Variants in ICOS observed in about 807,000 individuals in gnomAD.
The protein encoded by ICOS is inducible T-cell costimulator.
ICOS carries 15 observed loss-of-function variants against 24.6 expected under a neutral mutation model. The observed-to-expected ratio is 0.61, with a 90% CI of 0.41 to 0.94. ICOS has a LOEUF of 0.94. ICOS is among the 40% of genes least tolerant of loss of function. The probability of loss-of-function intolerance (pLI) is 0.00; values close to 1 mark genes in which losing one functional copy is unlikely to be tolerated. For missense variants in ICOS, 200 were observed against 233.0 expected, an observed-to-expected ratio of 0.86 and a Z score of 0.92; for synonymous variants, 89 against 77.5, an observed-to-expected ratio of 1.15 and a Z score of -0.78.
chr2:203,941,087 C>T (rs926950119), intron 1 of ICOS, among the ~76,000 whole-genome samples: 11 of 152,310 alleles, frequency 7.2e-5, no homozygotes, highest in South Asian at 2.1e-4. Context: ...TGAGCCACCG[C>T]GCCCCGCTGT....
rs1689889758 is a variant in ICOS at position 203,947,300 on chromosome 2, A to G, written c.59-8336A>G. ...GTCTATTGATATCAACAGTAATATTATAAAAATTATTATTATTATTATTTT... is the reference window on the plus strand; with the variant it reads ...GTCTATTGATATCAACAGTAATATTGTAAAAATTATTATTATTATTATTTT... On this transcript the variant is annotated intron_variant, in intron 1 of 4. Coordinates refer to ENST00000316386, the MANE Select transcript of ICOS (RefSeq NM_012092.4). Among the ~76,000 whole-genome samples the G allele has an allele frequency of 2.0e-5, 3 of 152,094 alleles. 1 individual carries two copies. Among genetic ancestry groups the G allele is most frequent in the Admixed American group, 2.0e-4 (3 of 15,268 alleles).
At chr2:203,956,616 T>C in intron 2 of ICOS, 43 bp from the exon 3 acceptor site, 3 of 1,336,878 alleles carry the variant, frequency 2.2e-6, no homozygotes, top group Non-Finnish European at 1.1e-6. Context: ...GAACTTGTGG[T>C]TCAGCAGAAT....
chr2:203,936,781 T>C lies in ICOS; in HGVS notation c.-34T>C. ...TGAATTCACTGTCAGCTTTGAACAC[T>C]GAACGCGAGGACTGTTAACTGTTTC... On this transcript the variant is annotated 5_prime_UTR_variant, in exon 1 of 5. Transcript: ENST00000316386. The C allele has an allele frequency of 6.3e-7, 1 of 1,582,616 alleles. No individual in the cohort carries two copies. Among genetic ancestry groups the C allele is most frequent in the Admixed American group, 1.7e-5 (1 of 59,992 alleles).
intron 1 of ICOS, among the ~76,000 whole-genome samples, chr2:203,952,093 A>G (rs1006057421): frequency 6.6e-6 from 1 of 152,240 alleles, no homozygotes; most frequent in Non-Finnish European, 1.5e-5. Flanking sequence ...ATAATGCTAA[A>G]GCATACTATC....
At chr2:203,937,425 C>T (rs1005395630) in intron 1 of ICOS, among the ~76,000 whole-genome samples, 21 of 152,118 alleles carry the variant, frequency 1.4e-4, no homozygotes, top group Non-Finnish European at 2.2e-4. Context: ...TGTAAAAATA[C>T]TTCCTAGCCC....
intron 1 of ICOS, among the ~76,000 whole-genome samples, chr2:203,938,826 T>G (rs1187438932): frequency 6.6e-6 from 1 of 152,230 alleles, no homozygotes; most frequent in East Asian, 1.9e-4. Context: ...ATGTTCACTC[T>G]CATTATAAAG....
In ICOS at chr2:203,956,736, T is replaced by G. The variant is rs752320302; in HGVS notation, c.472T>G (p.Cys158Gly). 3 of 1,612,884 alleles carry G rather than the reference T, an allele frequency of 1.9e-6. No individual in the cohort carries two copies. Among genetic ancestry groups the G allele is most frequent in the South Asian group, 1.1e-5 (1 of 91,066 alleles). Reference protein sequence around the residue: ...AAFVVVCILGCILICWLTKKK... With the variant: ...AAFVVVCILGGILICWLTKKK... ...CTTTGTTGTAGTCTGCATTTTGGGA[T>G]GCATACTTATTTGTTGGCTTACAAA... Residue 158 changes from cysteine to glycine, a missense_variant, in exon 3 of 5, where the codon TGC (cysteine) becomes GGC (glycine). Cys to Gly is a radical substitution (Grantham distance 159). Coordinates refer to ENST00000316386, the MANE Select transcript of ICOS (RefSeq NM_012092.4).
chr2:203,947,483 AT>A (rs1377212231), intron 1 of ICOS, among the ~76,000 whole-genome samples: 1 of 151,888 alleles, frequency 6.6e-6, no homozygotes, highest in African/African-American at 2.4e-5. Flanking sequence ...TAATTTTTAT[AT>A]TATTAGTAGA....
At chr2:203,940,415 G>C (rs549199442) in intron 1 of ICOS, among the ~76,000 whole-genome samples, 1 of 152,242 alleles carries the variant, frequency 6.6e-6, no homozygotes, top group East Asian at 1.9e-4. Flanking sequence ...CTCCTGTCTT[G>C]TGATCTCTGT....
rs1690104495 is a variant in ICOS, at chr2:203,957,879, C to G, written c.582C>G (p.Leu194=). The G allele has an allele frequency of 1.9e-6, 3 of 1,598,168 alleles. No individual in the cohort carries two copies. The highest frequency in any genetic ancestry group is 1.7e-5 in the Admixed American group (1 of 59,928). The change falls in exon 4 of 5, where the codon CTC becomes CTG. Residue 194 remains leucine (L), a synonymous_variant. Coordinates refer to ENST00000316386, the MANE Select transcript of ICOS (RefSeq NM_012092.4). The part of the protein sequence containing the change: ...RAVNTAKKSR[L]TDVTL ...TGAACACAGCCAAAAAATCTAGACT[C>G]ACAGGTATGACTCCATTTGGGGGTT... is the stretch of plus-strand genomic sequence containing the variant.
rs569897165 is a variant in ICOS, at chr2:203,948,435, A to G, written c.59-7201A>G. Among the ~76,000 whole-genome samples the G allele has an allele frequency of 3.9e-5, 6 of 152,342 alleles. 1 individual carries two copies. The highest frequency in any genetic ancestry group is 1.3e-4 in the Admixed American group (2 of 15,308). On this transcript the variant is annotated intron_variant, in intron 1 of 4. Transcript: ENST00000316386. The stretch of plus-strand genomic sequence containing the variant: ...GAAGCCCTTTTGGCTCTTATATTAT[A>G]AATCCTGTGCTTCATCTCCTCAGAT...
intron 1 of ICOS, among the ~76,000 whole-genome samples, chr2:203,948,355 AT>A (rs1689909029): frequency 6.6e-6 from 1 of 152,144 alleles, no homozygotes; most frequent in Non-Finnish European, 1.5e-5. Context: ...CTCTAGTTTA[AT>A]TTGATAAATG....
intron 1 of ICOS, among the ~76,000 whole-genome samples, chr2:203,939,205 A>C (rs781551199): frequency 6.6e-6 from 1 of 152,160 alleles, no homozygotes; most frequent in Non-Finnish European, 1.5e-5. Context: ...CAACATCTAC[A>C]TTCTTTCTAA....
At chr2:203,956,796 C>A in intron 3 of ICOS, 31 bp downstream of exon 3, 2 of 1,314,694 alleles carry the variant, frequency 1.5e-6, no homozygotes, top group Non-Finnish European at 2.2e-6. Context: ...CTTGTATCTG[C>A]TTTACAGATG....
chr2:203,950,759 A>G (rs1362071243), intron 1 of ICOS, among the ~76,000 whole-genome samples: 2 of 152,164 alleles, frequency 1.3e-5, no homozygotes, highest in African/African-American at 4.8e-5. Flanking sequence ...AGATAAAAAA[A>G]TGAGTAATTA....
chr2:203,952,983 T>C (rs1158910723), intron 1 of ICOS, among the ~76,000 whole-genome samples: 1 of 152,190 alleles, frequency 6.6e-6, no homozygotes, highest in Non-Finnish European at 1.5e-5. Context: ...CTTCTTGTAA[T>C]AGTTTGCATT....
At chr2:203,952,148 C>G (rs931957959) in intron 1 of ICOS, among the ~76,000 whole-genome samples, 1 of 151,504 alleles carries the variant, frequency 6.6e-6, no homozygotes, top group African/African-American at 2.4e-5. Context: ...AGACTGTCAG[C>G]ACCCCTATTT....
Position 203,957,862 on chromosome 2 carries a change from G to C in ICOS, c.565G>C (p.Ala189Pro). 2 of 1,611,548 alleles carry C rather than the reference G, an allele frequency of 1.2e-6. No homozygotes were observed. Among genetic ancestry groups the C allele is most frequent in the Non-Finnish European group, 1.7e-6 (2 of 1,177,796 alleles). Reference protein sequence around the residue: ...EYMFMRAVNTAKKSRLTDVTL With the variant: ...EYMFMRAVNTPKKSRLTDVTL ...CATGTTCATGAGAGCAGTGAACACA[G>C]CCAAAAAATCTAGACTCACAGGTAT... is the stretch of plus-strand genomic sequence containing the variant. Residue 189 changes from alanine (A) to proline (P), a missense_variant, in exon 4 of 5, where the codon GCC becomes CCC. Ala to Pro is a conservative substitution (Grantham distance 27). Coordinates refer to ENST00000316386, the MANE Select transcript of ICOS (RefSeq NM_012092.4).
chr2:203,945,463 A>T (rs1170785461), intron 1 of ICOS, among the ~76,000 whole-genome samples: 1 of 152,186 alleles, frequency 6.6e-6, no homozygotes, highest in Non-Finnish European at 1.5e-5. Context: ...CCACTTGACG[A>T]TGGGAATACA....
Sources: gnomAD v4.1 joint callset for allele counts (sites outside exome capture counted in the v4.1 genomes callset) on GRCh38, gnomAD v4.1.1 for gene constraint, MANE v1.5 for transcripts, NCBI Gene and HGNC (gene_info 2026-07-23, HGNC 2026-07-21) for gene names.